The following OVOL2 variants were observed in gnomAD, a reference collection of about 807,000 sequenced individuals.
OVOL2 encodes transcription factor Ovo-like 2.
OVOL2 carries 13 observed loss-of-function variants against 18.1 expected under a neutral mutation model. The ratio of observed to expected loss-of-function variants is 0.72; its 90% confidence interval spans 0.47 to 1.14. The LOEUF is 1.14. Ranked by LOEUF, OVOL2 falls within the 50% of genes most tolerant of loss-of-function variation. The pLI, the probability that OVOL2 is intolerant of heterozygous loss-of-function variation, is 0.00. For missense variants in OVOL2, 335 were observed against 383.0 expected, an observed-to-expected ratio of 0.87 and a Z score of 1.05; for synonymous variants, 166 against 162.7, an observed-to-expected ratio of 1.02 and a Z score of -0.16.
At chr20:18,041,254 C>T (rs1374443397) in intron 3 of OVOL2, among the ~76,000 whole-genome samples, 2 of 152,084 alleles carry the variant, frequency 1.3e-5, no homozygotes, top group Non-Finnish European at 2.9e-5. Flanking sequence ...ACCTCCGCCT[C>T]CCAGGTTCAA....
At chr20:18,025,352 G>C (rs1339759665) in intron 3 of OVOL2, among the ~76,000 whole-genome samples, 1 of 152,158 alleles carries the variant, frequency 6.6e-6, no homozygotes, top group Non-Finnish European at 1.5e-5. Context: ...CGGATGACTT[G>C]AGGTCAGGAG....
chr20:18,047,779 G>A (rs372798690), intron 2 of OVOL2, among the ~76,000 whole-genome samples: 5 of 148,886 alleles, frequency 3.4e-5, no homozygotes, highest in Admixed American at 1.3e-4. Flanking sequence ...ACTTGAACCC[G>A]GGAGGCGGAG....
intron 2 of OVOL2, among the ~76,000 whole-genome samples, chr20:18,048,417 C>G (rs1433665744): frequency 6.6e-6 from 1 of 152,034 alleles, no homozygotes; most frequent in East Asian, 1.9e-4. Context: ...TCATCTGCAA[C>G]TCTGTAATTC....
chr20:18,054,784 AAAGAAAAG>A (rs1568641048), intron 2 of OVOL2, among the ~76,000 whole-genome samples: 38 of 81,060 alleles, frequency 4.7e-4, no homozygotes, highest in African/African-American at 2.2e-3. Context: ...AAAAAAAAAG[AAAGAAAAG>A]AAAAGAAAAG....
intron 2 of OVOL2, among the ~76,000 whole-genome samples, chr20:18,046,603 T>G (rs2036725770): frequency 6.6e-6 from 1 of 152,228 alleles, no homozygotes; most frequent in Admixed American, 6.5e-5. Flanking sequence ...ACTGGAACAG[T>G]AATAAACGTA....
At chr20:18,027,745 A>G (rs6045142) in intron 3 of OVOL2, among the ~76,000 whole-genome samples, 110,252 of 151,034 alleles carry the variant, frequency 0.73, 41,175 homozygotes, top group African/African-American at 0.91. Context: ...ACAGGCGCTC[A>G]CCACCACGCC....
chr20:18,044,498 G>A (rs1319702896), intron 2 of OVOL2, among the ~76,000 whole-genome samples: 1 of 152,178 alleles, frequency 6.6e-6, no homozygotes, highest in African/African-American at 2.4e-5. Flanking sequence ...CCCCAGAACA[G>A]GGTATTCCAG....
chr20:18,054,766 CAAAAAAAA>C (rs745367889), intron 2 of OVOL2, among the ~76,000 whole-genome samples: 21 of 63,482 alleles, frequency 3.3e-4, no homozygotes, highest in Admixed American at 2.5e-3. Context: ...AACTCCATCT[CAAAAAAAA>C]AAAAAAAAGA....
chr20:18,053,940 A>G (rs2036793831), intron 2 of OVOL2, among the ~76,000 whole-genome samples: 1 of 152,088 alleles, frequency 6.6e-6, no homozygotes, highest in South Asian at 2.1e-4. Flanking sequence ...TGCGGGACTC[A>G]GCCCACACTG....
chr20:18,059,043 C>G (rs41276412), upstream of OVOL2: 8,497 of 152,354 alleles, frequency 0.056, 295 homozygotes, highest in South Asian at 0.091. Flanking sequence ...GTCAGGGATG[C>G]CCTGGAGCCC....
chr20:18,039,950 G>A (rs2036654375), intron 3 of OVOL2, among the ~76,000 whole-genome samples: 1 of 152,084 alleles, frequency 6.6e-6, no homozygotes, highest in Admixed American at 6.6e-5. Flanking sequence ...CTTGAGACCG[G>A]GTCTTGCTCT....
chr20:18,048,780 G>A (rs1182900237), intron 2 of OVOL2, among the ~76,000 whole-genome samples: 1 of 152,156 alleles, frequency 6.6e-6, no homozygotes, highest in Non-Finnish European at 1.5e-5. Context: ...TATCTCCCGT[G>A]ACAGTGAAAT....
chr20:18,029,413 G>A (rs2036547932), intron 3 of OVOL2, among the ~76,000 whole-genome samples: 1 of 152,176 alleles, frequency 6.6e-6, no homozygotes, highest in Admixed American at 6.5e-5. Flanking sequence ...TCCCCAGGAG[G>A]CTCTAGTGTG....
chr20:18,057,943 A>C, upstream of OVOL2: 1 of 1,155,966 alleles, frequency 8.7e-7, no homozygotes, highest in Non-Finnish European at 1.1e-6. This position sits in a 1 kb window ranked among gnomAD's most constrained non-coding sequence, Gnocchi z 6.3. Context: ...CCTGCAACAT[A>C]ACGGTGTCAA....
rs912927464 is a variant in OVOL2 at position 18,028,311 on chromosome 20, C to T, written c.512-3359G>A. On this transcript the variant is annotated intron_variant, in intron 3 of 3. Transcript: ENST00000278780. ...CCTGCCTCAGCCTCCCAAGTAGCTG[C>T]GACTACAGGTGCCCGCCACAACAGC... 2.8e-4 allele frequency among the ~76,000 whole-genome samples: 42 copies of T among 151,550 alleles called. 1 individual carries two copies. The highest frequency in any genetic ancestry group is 9.2e-4 in the African/African-American group (38 of 41,428).
chr20:18,057,728 A>G lies in OVOL2; in HGVS notation c.-94T>C. 2 of 1,455,260 alleles carry G rather than the reference A, an allele frequency of 1.4e-6. No individual in the cohort carries two copies. The highest frequency in any genetic ancestry group is 9.0e-7 in the Non-Finnish European group (1 of 1,107,046). The allele number at this position is 1,455,260 out of a possible 1,614,324, so 90.1% of individuals were successfully genotyped here. On this transcript the variant is annotated 5_prime_UTR_variant, in exon 1 of 4. Transcript: ENST00000278780. This position sits in a 1 kb window ranked among gnomAD's most constrained non-coding sequence, Gnocchi z 6.3. The stretch of plus-strand genomic sequence containing the variant: ...GCTCCGTCCCCGGCTCCCGGCGGCC[A>G]GAGCCCACCTTCCCGCCTCGCCTGC...
rs137904260 is a variant in OVOL2 at position 18,051,319 on chromosome 20, G to A, written c.321+5338C>T. On this transcript the variant is annotated intron_variant, in intron 2 of 3. Coordinates refer to ENST00000278780, the MANE Select transcript of OVOL2 (RefSeq NM_021220.4). ...ATTTACAAATAAAGGTAAATAAAGC[G>A]AATCCAGCATTATTCTGCCTTTCAT... Among the ~76,000 whole-genome samples the A allele has an allele frequency of 1.6e-4, 25 of 152,174 alleles. No individual in the cohort carries two copies. The East Asian group carries it at 2.7e-3, about 16-fold the overall frequency.
Position 18,024,808 on chromosome 20 carries a change from CAA to C in OVOL2, c.654_655del (p.Asp218GlufsTer30). ...CTCCTGGGTGGGGCCCGTGTAGCCG[CAA>C]TCCTCGCAGACGTAGAGCTTGTCCC... On this transcript the variant is annotated frameshift_variant, in exon 4 of 4. Coordinates refer to ENST00000278780, the MANE Select transcript of OVOL2 (RefSeq NM_021220.4). LOFTEE classifies it low-confidence loss of function (END_TRUNC). 1 of 1,614,198 alleles carries C rather than the reference CAA, an allele frequency of 6.2e-7. No individual in the cohort carries two copies. Among genetic ancestry groups the C allele is most frequent in the Non-Finnish European group, 8.5e-7 (1 of 1,180,034 alleles).
chr20:18,048,147 T>G (rs2036740778), intron 2 of OVOL2, among the ~76,000 whole-genome samples: 1 of 150,156 alleles, frequency 6.7e-6, no homozygotes, highest in East Asian at 2.0e-4. Context: ...ATTAGCCAGT[T>G]GTGGTGGTGC....
Sources: allele counts gnomAD v4.1 joint callset (sites outside exome capture counted in the v4.1 genomes callset), GRCh38; gene constraint gnomAD v4.1.1; non-coding constraint Gnocchi (gnomAD v3.1); transcripts MANE v1.5; gene names NCBI Gene and HGNC (gene_info 2026-07-23, HGNC 2026-07-21).